The following DESI1 variants were observed in gnomAD, a reference collection of about 807,000 sequenced individuals.
DESI1 encodes the protein PPPDE peptidase domain containing 2.
Under a neutral mutation model 22.4 loss-of-function variants are expected in DESI1, and 17 were observed. The ratio of observed to expected loss-of-function variants is 0.76; its 90% CI spans 0.52 to 1.14. DESI1 has a LOEUF of 1.14. Among genes scored for constraint, DESI1 ranks in the 50% most tolerant of loss-of-function variants. The probability of loss-of-function intolerance (pLI) is 0.00; values close to 1 mark genes in which losing one functional copy is unlikely to be tolerated. For synonymous variants in DESI1, 92 were observed against 84.2 expected, an observed-to-expected ratio of 1.09 and a Z score of -0.51; for missense variants, 177 against 208.9, an observed-to-expected ratio of 0.85 and a Z score of 0.94.
chr22:41,619,457 G>A (rs931152064), intron 1 of DESI1, among the ~76,000 whole-genome samples: 1 of 152,128 alleles, frequency 6.6e-6, no homozygotes, highest in Non-Finnish European at 1.5e-5. Context: ...ATAAGCTACT[G>A]CTGTTATCAA....
intron 5 of DESI1, 101 bp from the exon 6 acceptor site, chr22:41,601,291 T>C: frequency 2.7e-6 from 3 of 1,120,890 alleles, no homozygotes; most frequent in Non-Finnish European, 3.7e-6. Context: ...TGGGCGCTGG[T>C]GGCAGCAGAA....
chr22:41,608,051 G>T (rs939985631), intron 1 of DESI1, among the ~76,000 whole-genome samples, 190 bp from the exon 2 acceptor site: 1 of 152,196 alleles, frequency 6.6e-6, no homozygotes, highest in Non-Finnish European at 1.5e-5. Flanking sequence ...GAAAAGTAAT[G>T]AGAGTCTTTT....
intron 1 of DESI1, among the ~76,000 whole-genome samples, chr22:41,612,597 A>ATT (rs1207479053): frequency 1.4e-5 from 2 of 139,188 alleles, no homozygotes; most frequent in African/African-American, 2.6e-5. Flanking sequence ...TTGAGTGAAG[A>ATT]TTTTTTTTTT....
intron 3 of DESI1, among the ~76,000 whole-genome samples, chr22:41,605,034 T>C (rs2067471194): frequency 6.6e-6 from 1 of 152,144 alleles, no homozygotes; most frequent in Non-Finnish European, 1.5e-5. Flanking sequence ...TCTACTTTTG[T>C]CCCCAGTATG....
intron 4 of DESI1, 70 bp downstream of exon 4, chr22:41,603,974 G>C (rs560097780): frequency 1.4e-6 from 2 of 1,384,518 alleles, no homozygotes; most frequent in Non-Finnish European, 2.0e-6. Flanking sequence ...TGACATGGCA[G>C]CTGCCTCCAG....
intron 1 of DESI1, among the ~76,000 whole-genome samples, chr22:41,611,843 G>A (rs1176579772): frequency 6.6e-6 from 1 of 151,702 alleles, no homozygotes; most frequent in South Asian, 2.1e-4. Context: ...CGCCCGCCTC[G>A]GCCTCCCAAA....
Position 41,598,428 on chromosome 22 carries a change from C to T in DESI1, c.*2669G>A, listed in dbSNP as rs1038453950. ...CCATTGGGAGGGAGAGCTTGCCTTC[C>T]CATGGAGCTCTGGGAAAACTGCTCA... On this transcript the variant is annotated 3_prime_UTR_variant, in exon 6 of 6. Transcript: ENST00000263256. 2 of 152,200 alleles carry T rather than the reference C, an allele frequency of 1.3e-5. No homozygotes were observed. Among genetic ancestry groups the T allele is most frequent in the Admixed American group, 6.5e-5 (1 of 15,280 alleles). 9.4% of individuals were successfully genotyped at this position (152,200 alleles called of 1,614,324 possible).
chr22:41,601,841 G>A (rs976752608), intron 5 of DESI1, among the ~76,000 whole-genome samples: 1 of 152,182 alleles, frequency 6.6e-6, no homozygotes, highest in African/African-American at 2.4e-5. Context: ...AGCCTCCCAA[G>A]TAGCTGGGAT....
chr22:41,610,804 C>T (rs532655409), intron 1 of DESI1, among the ~76,000 whole-genome samples: 4 of 149,250 alleles, frequency 2.7e-5, no homozygotes, highest in African/African-American at 4.9e-5. Flanking sequence ...ACCCAGGAGG[C>T]GGAGGTTGCG....
At position 41,604,344 on chromosome 22, in the gene DESI1, C is replaced by G. The variant is rs1226209613; in HGVS notation, c.181-191G>C. ...CACTGCAACCTCCGCCTCCCGGGTT[C>G]AAGTGATCCTCCTGCCTCAGCCTCC... On this transcript the variant is annotated intron_variant, in intron 3 of 5. Coordinates refer to ENST00000263256, the MANE Select transcript of DESI1 (RefSeq NM_015704.3). 4.8e-5 allele frequency: 22 copies of G among 455,676 alleles called. No individual in the cohort carries two copies. In the East Asian group the frequency reaches 8.9e-4, roughly 19 times the overall value. The allele number at this position is 455,676 out of a possible 1,614,324, so 28.2% of individuals were successfully genotyped here. A position where few individuals can be genotyped will look rare whatever the true frequency, so the allele number is the denominator to read the frequency against.
chr22:41,619,416 CCT>C (rs750207310), intron 1 of DESI1, among the ~76,000 whole-genome samples: 19 of 152,286 alleles, frequency 1.2e-4, no homozygotes, highest in Non-Finnish European at 1.8e-4. Flanking sequence ...CTCTTCTACC[CCT>C]GTTCCCCTGG....
At chr22:41,602,718 T>G (rs2147037576) in intron 5 of DESI1, 2 of 989,384 alleles carry the variant, frequency 2.0e-6, no homozygotes, top group Non-Finnish European at 2.4e-6. Flanking sequence ...CTTCCAAGGC[T>G]TGGGGCACAT....
chr22:41,619,171 T>C (rs371016067), intron 1 of DESI1, among the ~76,000 whole-genome samples: 22 of 152,344 alleles, frequency 1.4e-4, no homozygotes, highest in African/African-American at 5.1e-4. Flanking sequence ...GCCTCAATCA[T>C]TTTAACAACT....
At chr22:41,609,086 CAT>C in intron 1 of DESI1, among the ~76,000 whole-genome samples, 1 of 152,128 alleles carries the variant, frequency 6.6e-6, no homozygotes, top group African/African-American at 2.4e-5. Context: ...GGATTACAGG[CAT>C]GCACCACCAA....
At chr22:41,603,077 T>C in intron 5 of DESI1, 182 bp downstream of exon 5, 10 of 886,086 alleles carry the variant, frequency 1.1e-5, no homozygotes, top group Non-Finnish European at 1.5e-5. Flanking sequence ...GCTCTGAAGG[T>C]GGAGGTAATA....
intron 1 of DESI1, among the ~76,000 whole-genome samples, chr22:41,619,854 A>G (rs560396336): frequency 3.3e-5 from 5 of 152,338 alleles, no homozygotes; most frequent in African/African-American, 9.6e-5. Flanking sequence ...GATGCTGTCA[A>G]AGCTTCAATT....
chr22:41,602,832 A>G, intron 5 of DESI1: 1 of 1,031,386 alleles, frequency 9.7e-7, no homozygotes, highest in Non-Finnish European at 1.2e-6. Context: ...GGAGTCAAAG[A>G]GTTCATGGTG....
intron 3 of DESI1, 192 bp from the exon 4 acceptor site, chr22:41,604,345 A>C (rs2067467085): frequency 6.6e-6 from 3 of 456,156 alleles, no homozygotes; most frequent in Non-Finnish European, 1.2e-5. Context: ...TCCCGGGTTC[A>C]AGTGATCCTC....
chr22:41,605,185 C>T (rs529056045), intron 3 of DESI1, among the ~76,000 whole-genome samples: 11 of 152,206 alleles, frequency 7.2e-5, no homozygotes, highest in Admixed American at 2.6e-4. Context: ...AAAACGAGGA[C>T]GGTGAGAAAT....
Sources: allele counts gnomAD v4.1 joint callset (sites outside exome capture counted in the v4.1 genomes callset), GRCh38; gene constraint gnomAD v4.1.1; transcripts MANE v1.5; gene names NCBI Gene and HGNC (gene_info 2026-07-23, HGNC 2026-07-21).